TMEM232: variants seen among roughly 807,000 people sequenced by gnomAD.
TMEM232 encodes transmembrane protein 232.
Under a neutral mutation model 78.8 loss-of-function variants are expected in TMEM232, and 80 were observed. That is an observed-to-expected ratio of 1.01 (90% confidence interval 0.85 to 1.22). The LOEUF is 1.22. Ranked by LOEUF, TMEM232 falls within the 50% of genes most tolerant of loss-of-function variation. The probability of loss-of-function intolerance (pLI) is 0.00; values close to 1 mark genes in which losing one functional copy is unlikely to be tolerated. For synonymous variants in TMEM232, 297 were observed against 254.3 expected (o/e 1.17, Z -1.60); for missense variants, 881 against 742.2 (o/e 1.19, Z -2.17).
chr5:110,516,115 T>C (rs1373330677), intron 12 of TMEM232, among the ~76,000 whole-genome samples: 1 of 152,070 alleles, frequency 6.6e-6, no homozygotes, highest in African/African-American at 2.4e-5. Context: ...GGCAGGCACC[T>C]GTAGTCCCAG....
At chr5:110,626,992 G>T (rs1784503309) in intron 6 of TMEM232, among the ~76,000 whole-genome samples, 1 of 151,956 alleles carries the variant, frequency 6.6e-6, no homozygotes, top group South Asian at 2.1e-4. Flanking sequence ...CATTAACATG[G>T]ATGACTGTCA....
intron 12 of TMEM232, among the ~76,000 whole-genome samples, chr5:110,502,977 G>A (rs1180854243): frequency 6.6e-6 from 1 of 152,146 alleles, no homozygotes; most frequent in Non-Finnish European, 1.5e-5. Flanking sequence ...TACTTCGGTT[G>A]CTTATTGATT....
At chr5:110,456,307 CAACAAA>C (rs950457930) in intron 12 of TMEM232, among the ~76,000 whole-genome samples, 3 of 151,638 alleles carry the variant, frequency 2.0e-5, no homozygotes, top group Admixed American at 1.3e-4. Context: ...AGATATACAA[CAACAAA>C]AACATAAAAT....
At chr5:110,614,449 G>A (rs1300542941) in intron 8 of TMEM232, among the ~76,000 whole-genome samples, 1 of 151,872 alleles carries the variant, frequency 6.6e-6, no homozygotes, top group Non-Finnish European at 1.5e-5. Context: ...AAAATACTAA[G>A]TATTTAAAAA....
At chr5:110,498,545 T>C (rs1325797315) in intron 12 of TMEM232, among the ~76,000 whole-genome samples, 2 of 152,164 alleles carry the variant, frequency 1.3e-5, no homozygotes, top group African/African-American at 4.8e-5. Context: ...AACTATTTAA[T>C]GCACTGGAGA....
chr5:110,703,502 A>T (rs923527144), intron 1 of TMEM232, among the ~76,000 whole-genome samples: 1 of 152,064 alleles, frequency 6.6e-6, no homozygotes, highest in African/African-American at 2.4e-5. Context: ...ACGGATCTCA[A>T]GGTTGTTTCT....
intron 1 of TMEM232, among the ~76,000 whole-genome samples, chr5:110,702,707 G>C (rs1185394597): frequency 6.6e-6 from 1 of 152,052 alleles, no homozygotes; most frequent in East Asian, 1.9e-4. Context: ...CTGATTCATT[G>C]ATGGATCATA....
intron 12 of TMEM232, among the ~76,000 whole-genome samples, chr5:110,429,296 T>C (rs1241211606): frequency 1.3e-5 from 2 of 151,796 alleles, no homozygotes; most frequent in South Asian, 2.1e-4. Flanking sequence ...CCCAATAGGA[T>C]GATGATTAGA....
intron 1 of TMEM232, among the ~76,000 whole-genome samples, chr5:110,694,350 A>T (rs1326707933): frequency 6.6e-6 from 1 of 152,216 alleles, no homozygotes; most frequent in Non-Finnish European, 1.5e-5. Flanking sequence ...CTGCAAAAAC[A>T]TGCCAAATTG....
intron 1 of TMEM232, among the ~76,000 whole-genome samples, chr5:110,706,527 A>C (rs921438039): frequency 6.6e-6 from 1 of 152,184 alleles, no homozygotes; most frequent in African/African-American, 2.4e-5. Flanking sequence ...GAACCCGAGG[A>C]CACAGAATGC....
At chr5:110,542,084 G>A (rs1034221534) in intron 11 of TMEM232, among the ~76,000 whole-genome samples, 3 of 152,108 alleles carry the variant, frequency 2.0e-5, no homozygotes, top group Non-Finnish European at 4.4e-5. Context: ...CTGAAGCCCC[G>A]GACCTGGAAC....
intron 1 of TMEM232, among the ~76,000 whole-genome samples, chr5:110,682,132 CAAG>C (rs988532106): frequency 2.6e-5 from 4 of 152,012 alleles, no homozygotes; most frequent in African/African-American, 9.7e-5. Flanking sequence ...ACATCACTGT[CAAG>C]AAGTAGCTAT....
chr5:110,499,076 AG>A (rs1181481316), intron 12 of TMEM232, among the ~76,000 whole-genome samples: 2 of 152,172 alleles, frequency 1.3e-5, no homozygotes, highest in Non-Finnish European at 2.9e-5. Context: ...ATGACCAAAA[AG>A]GGGGGCAATA....
chr5:110,683,035 C>T (rs1394525510), intron 1 of TMEM232, among the ~76,000 whole-genome samples: 1 of 152,100 alleles, frequency 6.6e-6, no homozygotes, highest in African/African-American at 2.4e-5. Flanking sequence ...CCTCAGTTAT[C>T]TCATCTACAA....
intron 12 of TMEM232, among the ~76,000 whole-genome samples, chr5:110,524,088 C>T (rs567358824): frequency 6.7e-5 from 10 of 149,614 alleles, no homozygotes; most frequent in South Asian, 2.1e-4. Context: ...TATGGTGAAA[C>T]GCCGTCTCTA....
At chr5:110,692,432 G>A (rs1794238973) in intron 1 of TMEM232, among the ~76,000 whole-genome samples, 1 of 152,196 alleles carries the variant, frequency 6.6e-6, no homozygotes, top group Non-Finnish European at 1.5e-5. Context: ...TCATCTCACT[G>A]GGGAGTGCCG....
chr5:110,478,617 G>A (rs1010618028), intron 12 of TMEM232, among the ~76,000 whole-genome samples: 1 of 151,848 alleles, frequency 6.6e-6, no homozygotes. Flanking sequence ...TAAACGTGAA[G>A]TGGAAGATAG....
intron 11 of TMEM232, among the ~76,000 whole-genome samples, chr5:110,535,405 A>G (rs1022537218): frequency 6.6e-6 from 1 of 151,968 alleles, no homozygotes; most frequent in Non-Finnish European, 1.5e-5. Flanking sequence ...CCCCACACCT[A>G]TCTCTCTTCG....
chr5:110,446,136 C>CAAAG (rs1759622768), intron 12 of TMEM232, among the ~76,000 whole-genome samples: 2 of 152,058 alleles, frequency 1.3e-5, no homozygotes, highest in South Asian at 4.1e-4. Context: ...TTGTCCAGGA[C>CAAAG]AAAGACATCA....
Sources: allele counts gnomAD v4.1 joint callset (sites outside exome capture counted in the v4.1 genomes callset), GRCh38; gene constraint gnomAD v4.1.1; transcripts MANE v1.5; gene names NCBI Gene and HGNC (gene_info 2026-07-23, HGNC 2026-07-21).